DNAH8: variants seen among roughly 807,000 people sequenced by gnomAD.
The protein encoded by DNAH8 is dynein axonemal heavy chain 8.
A neutral mutation model predicts 562.1 loss-of-function variants in DNAH8; 382 were observed. The ratio of observed to expected loss-of-function variants is 0.68; its 90% CI spans 0.63 to 0.74. The LOEUF is 0.74. Ranked by LOEUF, DNAH8 falls within the 30% of genes least tolerant of loss-of-function variation. DNAH8 has a pLI of 0.00. For synonymous variants in DNAH8, 1,881 were observed against 1,919.4 expected, an observed-to-expected ratio of 0.98 and a Z score of 0.52; for missense variants, 5,203 against 5,620.4, an observed-to-expected ratio of 0.93 and a Z score of 2.37.
In DNAH8 at chr6:38,750,482, C is replaced by T. The variant is rs367709378; in HGVS notation, c.1300C>T (p.Arg434Cys). 1.4e-5 allele frequency: 23 copies of T among 1,602,368 alleles called. No homozygotes were observed. The highest frequency in any genetic ancestry group is 6.7e-5 in the East Asian group (3 of 44,540). ...VAHSKLLKNW[R>C]DLDARITDTA... ...TTATACCTTTTTTTCTTAGAATTGG[C>T]GTGATTTGGATGCAAGAATCACTGA... Residue 434 changes from arginine to cysteine, a missense_variant, in exon 9 of 93, where the codon CGT (arginine) becomes TGT (cysteine). By Grantham distance (180) the Arg-to-Cys change is radical (BLOSUM62 -3). Around this residue, in one of 6 missense-constraint regions of DNAH8, gnomAD observed 2,176 missense variants for 2,365.1 expected, o/e 0.92. Transcript: ENST00000327475.
Position 38,990,077 on chromosome 6 carries a change from A to T in DNAH8, c.13119A>T (p.Leu4373Phe), listed in dbSNP as rs3737094. The change falls in exon 88 of 93, where the codon TTA (leucine) becomes TTT (phenylalanine). Residue 4373 changes from leucine to phenylalanine, a missense_variant. This residue lies in a region of DNAH8 where 1,399 missense variants were observed against 1,518.4 expected (regional missense o/e 0.92). Transcript: ENST00000327475. ...FCFYTGYKIP[L>F]CKTLDQYFEY... Reference sequence around the variant, plus strand: ...TTTATACTGGATATAAAATCCCCTTATGCAAAACCTTAGACCAGTATTTTG... The same window carrying T: ...TTTATACTGGATATAAAATCCCCTTTTGCAAAACCTTAGACCAGTATTTTG... 6 of 1,595,940 alleles carry T rather than the reference A, an allele frequency of 3.8e-6. No individual in the cohort carries two copies. Among genetic ancestry groups the T allele is most frequent in the Non-Finnish European group, 5.2e-6 (6 of 1,163,636 alleles).
At chr6:38,981,462 G>A (rs1764030405) in intron 85 of DNAH8, among the ~76,000 whole-genome samples, 1 of 152,188 alleles carries the variant, frequency 6.6e-6, no homozygotes, top group Non-Finnish European at 1.5e-5. Flanking sequence ...CTATTGCACA[G>A]GAGTCTCTTA....
At chr6:38,933,132 T>G (rs1364000053) in intron 76 of DNAH8, among the ~76,000 whole-genome samples, 2 of 152,138 alleles carry the variant, frequency 1.3e-5, no homozygotes, top group Non-Finnish European at 2.9e-5. Context: ...TAGTCCCTTG[T>G]GGTCTAATTG....
chr6:38,951,215 A>C (rs1178293208), intron 81 of DNAH8, 103 bp from the exon 82 acceptor site: 2 of 975,508 alleles, frequency 2.1e-6, no homozygotes, highest in African/African-American at 3.2e-5. Flanking sequence ...GTAGGAATTA[A>C]CTTGTTGCCC....
chr6:38,740,096 G>A (rs1252819507), intron 7 of DNAH8, among the ~76,000 whole-genome samples: 4 of 152,032 alleles, frequency 2.6e-5, no homozygotes, highest in Non-Finnish European at 5.9e-5. Flanking sequence ...ATGCTGTACT[G>A]CTTTAATTCT....
At chr6:38,779,042 TA>T (rs1768326643) in intron 14 of DNAH8, among the ~76,000 whole-genome samples, 1 of 152,190 alleles carries the variant, frequency 6.6e-6, no homozygotes, top group Non-Finnish European at 1.5e-5. Context: ...TTCTCTCCTT[TA>T]GCTTCCTTTC....
At chr6:38,982,078 T>A (rs1235532863) in intron 85 of DNAH8, among the ~76,000 whole-genome samples, 2 of 152,216 alleles carry the variant, frequency 1.3e-5, no homozygotes, top group African/African-American at 4.8e-5. Flanking sequence ...GACTACATCA[T>A]GTAGCCTAGG....
chr6:38,898,502 A>G (rs972529997), intron 61 of DNAH8, 122 bp downstream of exon 61: 1 of 734,078 alleles, frequency 1.4e-6, no homozygotes, highest in African/African-American at 1.8e-5. Flanking sequence ...GACTGTACAT[A>G]GGTTGGGTCA....
chr6:38,783,681 T>G (rs989272071), intron 17 of DNAH8, among the ~76,000 whole-genome samples: 1 of 152,184 alleles, frequency 6.6e-6, no homozygotes, highest in Non-Finnish European at 1.5e-5. Context: ...TGGGCGGAGT[T>G]AAATGTGAGA....
At chr6:38,985,080 A>G (rs181474400) in intron 87 of DNAH8, among the ~76,000 whole-genome samples, 1 of 152,328 alleles carries the variant, frequency 6.6e-6, no homozygotes, top group East Asian at 1.9e-4. Flanking sequence ...GAGTTTTCTC[A>G]TCTCTTCTAT....
Position 38,815,597 on chromosome 6 carries a change from A to G in DNAH8, c.3463A>G (p.Ser1155Gly). Residue 1155 changes from serine to glycine, a missense_variant, in exon 26 of 93, where the codon AGC (serine) becomes GGC (glycine). Coordinates refer to ENST00000327475, the MANE Select transcript of DNAH8 (RefSeq NM_001206927.2). ...CCGTCCCATCAAGTCTGTCATTCCCAGCCCCACCACTACTGACGTGACCCA... is the reference window on the plus strand; with the variant it reads ...CCGTCCCATCAAGTCTGTCATTCCCGGCCCCACCACTACTGACGTGACCCA... The part of the protein sequence containing the change: ...QIRPIKSVIP[S>G]PTTTDVTHQN... The G allele has an allele frequency of 6.2e-7, 1 of 1,614,052 alleles. No individual in the cohort carries two copies. Among genetic ancestry groups the G allele is most frequent in the Non-Finnish European group, 8.5e-7 (1 of 1,179,944 alleles).
chr6:38,809,680 A>C (rs1771621969), intron 24 of DNAH8, among the ~76,000 whole-genome samples: 1 of 152,160 alleles, frequency 6.6e-6, no homozygotes, highest in Admixed American at 6.5e-5. Context: ...AAGGTCCTGC[A>C]CATTTTTGTT....
Position 38,822,887 on chromosome 6 carries a change from G to A in DNAH8, c.3573G>A (p.Pro1191=), listed in dbSNP as rs774512496. 7.2e-5 allele frequency: 116 copies of A among 1,604,852 alleles called. No homozygotes were observed. The highest frequency in any genetic ancestry group is 1.7e-4 in the Middle Eastern group (1 of 6,012). ...IPARKLKNFY[P]GVAEHKDISK... is the part of the protein sequence containing the mutation. ...CGAGGAAGCTGAAGAATTTTTACCC[G>A]GGGGTAGCGGAGCACAAGGATATTT... Residue 1191 remains proline (P), a synonymous_variant, in exon 27 of 93, where the codon CCG becomes CCA. Transcript: ENST00000327475.
chr6:38,777,735 G>T (rs902775241), intron 13 of DNAH8, among the ~76,000 whole-genome samples: 1 of 152,162 alleles, frequency 6.6e-6, no homozygotes, highest in Admixed American at 6.5e-5. Context: ...CTGGGCCAAT[G>T]GTGGGACTCT....
intron 40 of DNAH8, 63 bp downstream of exon 40, chr6:38,852,861 T>TA: frequency 7.8e-7 from 1 of 1,277,608 alleles, no homozygotes; most frequent in Middle Eastern, 2.4e-4. Flanking sequence ...TTGAGGAGAA[T>TA]ACAGTTCTCT....
intron 25 of DNAH8, among the ~76,000 whole-genome samples, chr6:38,814,578 C>CA (rs35179985): frequency 0.43 from 62,251 of 145,164 alleles, 13,732 homozygotes; most frequent in East Asian, 0.79. Flanking sequence ...AAGACTCTGT[C>CA]AAAAAAAAAA....
At chr6:38,874,082 T>TTCTTTCTC (rs1777739601) in intron 52 of DNAH8, among the ~76,000 whole-genome samples, 1 of 120,860 alleles carries the variant, frequency 8.3e-6, no homozygotes, top group Non-Finnish European at 1.8e-5. Context: ...CTTTCTTTCT[T>TTCTTTCTC]TCTTTCTTTC....
At chr6:38,719,407 C>G (rs1160457758) in intron 1 of DNAH8, among the ~76,000 whole-genome samples, 2 of 152,030 alleles carry the variant, frequency 1.3e-5, no homozygotes, top group African/African-American at 4.8e-5. Context: ...TCTTGTACCC[C>G]CAGTGTCTCT....
rs146573461 is a variant in DNAH8 at position 38,890,771 on chromosome 6, G to T, written c.8583+10G>T. On this transcript the variant is annotated intron_variant, in intron 58 of 92. Transcript: ENST00000327475. ...GTGGCAATGGACTAAGGTACAGAATGGTTTGTCAATAATTTTTAAAAAGGC... is the reference window on the plus strand; with the variant it reads ...GTGGCAATGGACTAAGGTACAGAATTGTTTGTCAATAATTTTTAAAAAGGC... 1,079 of 1,586,078 alleles carry T rather than the reference G, an allele frequency of 6.8e-4. No individual in the cohort carries two copies. Among genetic ancestry groups the T allele is most frequent in the Non-Finnish European group, 8.9e-4 (1,030 of 1,154,846 alleles).
Sources: gnomAD v4.1 joint callset for allele counts (sites outside exome capture counted in the v4.1 genomes callset) on GRCh38, gnomAD v4.1.1 for gene constraint, gnomAD v4.1.1 regional missense constraint, MANE v1.5 for transcripts, NCBI Gene and HGNC (gene_info 2026-07-23, HGNC 2026-07-21) for gene names.